PLAC1: variants seen among roughly 807,000 people sequenced by gnomAD.
The protein encoded by PLAC1 is placenta-specific protein 1.
For synonymous variants in PLAC1, 68 were observed against 62.1 expected (o/e 1.09, Z -0.44); for missense variants, 136 against 163.2 (o/e 0.83, Z 0.91).
chrX:134,614,275 G>A (rs1206354063), intron 1 of PLAC1, among the ~76,000 whole-genome samples: 2 of 111,177 alleles, frequency 1.8e-5, no homozygotes, highest in Non-Finnish European at 3.8e-5. Flanking sequence ...TGTATAACAT[G>A]ATGTGTATAT....
chrX:134,590,010 A>G (rs1028928029), intron 2 of PLAC1, among the ~76,000 whole-genome samples: 52 of 93,952 alleles, frequency 5.5e-4, no homozygotes, highest in Non-Finnish European at 7.2e-4. Context: ...CCTGGCTAAC[A>G]TGGTGAAAAC....
At chrX:134,662,565 T>A (rs1202424927), upstream of PLAC1, among the ~76,000 whole-genome samples, 4 of 112,210 alleles carry the variant, frequency 3.6e-5, no homozygotes, top group Non-Finnish European at 7.5e-5. Flanking sequence ...TGTTTTTGTG[T>A]AGCCCACAAG....
At chrX:134,574,332 T>C (rs2077926300) in intron 2 of PLAC1, among the ~76,000 whole-genome samples, 2 of 112,429 alleles carry the variant, frequency 1.8e-5, no homozygotes, top group African/African-American at 6.5e-5. Context: ...AATTAATGAA[T>C]GACCACCAGA....
At chrX:134,711,994 A>G (rs980757390) in intron 2 of PLAC1, among the ~76,000 whole-genome samples, 1 of 111,962 alleles carries the variant, frequency 8.9e-6, no homozygotes, top group African/African-American at 3.3e-5. Context: ...TTGAAAAAGA[A>G]AATGAAAACT....
At chrX:134,610,122 C>G (rs1342553007) in intron 1 of PLAC1, among the ~76,000 whole-genome samples, 1 of 110,974 alleles carries the variant, frequency 9.0e-6, no homozygotes, top group African/African-American at 3.3e-5. Context: ...GGATTACAGG[C>G]GTGCGCCACC....
At chrX:134,574,000 C>T (rs1057496259) in intron 2 of PLAC1, among the ~76,000 whole-genome samples, 1 of 110,492 alleles carries the variant, frequency 9.1e-6, no homozygotes, top group East Asian at 2.9e-4. Context: ...GCGTGCATAT[C>T]GGAGTAGGTA....
At chrX:134,624,120 T>C (rs754108367) in intron 1 of PLAC1, among the ~76,000 whole-genome samples, 6 of 111,088 alleles carry the variant, frequency 5.4e-5, no homozygotes. Flanking sequence ...GGTTGGGAAA[T>C]GGACAGAAAT....
chrX:134,592,746 CAG>C (rs1313551160), intron 2 of PLAC1, among the ~76,000 whole-genome samples: 1 of 79,897 alleles, frequency 1.3e-5, no homozygotes, highest in African/African-American at 5.1e-5. Context: ...TTTTTTGAGA[CAG>C]AGTCTCGCTC....
chrX:134,591,515 T>C (rs947910543), intron 2 of PLAC1, among the ~76,000 whole-genome samples: 1 of 112,833 alleles, frequency 8.9e-6, no homozygotes, highest in Admixed American at 9.3e-5. Flanking sequence ...TTCTTTTTTA[T>C]TGTAGCACGG....
chrX:134,604,444 C>T (rs1046302109), intron 1 of PLAC1: 7 of 112,093 alleles, frequency 6.2e-5, no homozygotes, highest in African/African-American at 1.9e-4. Flanking sequence ...ACAATGGGCT[C>T]ATCCGTTTTT....
intron 1 of PLAC1, among the ~76,000 whole-genome samples, chrX:134,628,178 C>G (rs1455206235): frequency 3.6e-5 from 4 of 112,198 alleles, no homozygotes; most frequent in African/African-American, 1.3e-4. Flanking sequence ...TTACTGGAAG[C>G]ATTAAAATGC....
At chrX:134,760,671 A>G (rs780897003) in intron 1 of PLAC1, among the ~76,000 whole-genome samples, 1 of 111,054 alleles carries the variant, frequency 9.0e-6, no homozygotes, top group South Asian at 3.8e-4. Context: ...AACAATACCT[A>G]TAGTATTGTA....
At chrX:134,699,760 A>T (rs1391704208) in intron 2 of PLAC1, among the ~76,000 whole-genome samples, 1 of 112,060 alleles carries the variant, frequency 8.9e-6, no homozygotes, top group East Asian at 2.8e-4. Context: ...GTTATCTTTT[A>T]AAAAGTATAA....
intron 2 of PLAC1, 58 bp from the exon 3 acceptor site, chrX:134,566,798 C>T: frequency 3.4e-6 from 2 of 580,966 alleles, no homozygotes; most frequent in Non-Finnish European, 5.3e-6. Context: ...AAAGTTCAAA[C>T]ATGATATATT....
At chrX:134,638,021 T>C (rs1367065642) in intron 1 of PLAC1, among the ~76,000 whole-genome samples, 4 of 112,433 alleles carry the variant, frequency 3.6e-5, no homozygotes, top group Non-Finnish European at 5.6e-5. Flanking sequence ...CTGAAGCCCA[T>C]AAACGAGAGT....
chrX:134,577,750 CGTGTGTGTGTGTGT>C (rs750817404), intron 2 of PLAC1, among the ~76,000 whole-genome samples: 1 of 94,150 alleles, frequency 1.1e-5, no homozygotes. Context: ...TGCATGCATG[CGTGTGTGTGTGTGT>C]GTGTGTGTGT....
intron 2 of PLAC1, among the ~76,000 whole-genome samples, chrX:134,694,766 G>C (rs1267451904): frequency 1.8e-5 from 2 of 111,906 alleles, no homozygotes; most frequent in African/African-American, 6.5e-5. Context: ...TTGCATTTTA[G>C]TACCACAGGG....
At position 134,716,730 on chromosome X, in the gene PLAC1, G is replaced by T. The variant is rs182413050; in HGVS notation, n.174+16705C>A. On this transcript the variant is annotated intron_variant and non_coding_transcript_variant, in intron 2 of 2. Transcript: ENST00000466797. ...CTAGAACCATGCTAACACAGAATTT[G>T]TGCCGATTAAATACTTGTTGAGTGA... Among the ~76,000 whole-genome samples the T allele has an allele frequency of 8.9e-5, 10 of 112,194 alleles. No homozygotes were observed. In the East Asian group the frequency reaches 2.5e-3, roughly 28 times the overall value.
At chrX:134,641,760 G>C (rs767752046) in intron 1 of PLAC1, among the ~76,000 whole-genome samples, 27 of 112,216 alleles carry the variant, frequency 2.4e-4, no homozygotes, top group African/African-American at 8.7e-4. Context: ...CCTTGGACCT[G>C]AGTGCTAACC....
Sources: gnomAD v4.1 joint callset for allele counts (sites outside exome capture counted in the v4.1 genomes callset) on GRCh38, gnomAD v4.1.1 for gene constraint, MANE v1.5 for transcripts, NCBI Gene and HGNC (gene_info 2026-07-23, HGNC 2026-07-21) for gene names.